Variants in NALF1 observed in about 807,000 individuals in gnomAD.
NALF1 encodes NALCN channel auxiliary factor 1.
A neutral mutation model predicts 48.4 loss-of-function variants in NALF1; 3 were observed. The ratio of observed to expected loss-of-function variants is 0.06; its 90% CI spans 0.03 to 0.16. The LOEUF (loss-of-function observed/expected upper bound fraction) is 0.16, where lower values mean the gene tolerates loss of function less well. Ranked by LOEUF, NALF1 falls within the 10% of genes least tolerant of loss-of-function variation. NALF1 has a pLI of 1.00. For missense variants in NALF1, 526 were observed against 571.5 expected (o/e 0.92, Z 0.81); for synonymous variants, 262 against 245.7 (o/e 1.07, Z -0.62).
Position 107,839,506 on chromosome 13 carries a change from A to T in NALF1, c.915+26176T>A, listed in dbSNP as rs1264760716. 2.0e-5 allele frequency among the ~76,000 whole-genome samples: 3 copies of T among 151,624 alleles called. No homozygotes were observed. The East Asian group carries it at 5.8e-4, about 29-fold the overall frequency. Reference sequence around the variant, plus strand: ...GTTTGCTGTTGCCAGGCATTGTACAAGCACATTCCATACATTAATGCAATC... The same window carrying T: ...GTTTGCTGTTGCCAGGCATTGTACATGCACATTCCATACATTAATGCAATC... On this transcript the variant is annotated intron_variant, in intron 1 of 2. Coordinates refer to ENST00000375915, the MANE Select transcript of NALF1 (RefSeq NM_001080396.3).
At chr13:107,468,003 G>C (rs1371957880) in intron 1 of NALF1, among the ~76,000 whole-genome samples, 3 of 149,238 alleles carry the variant, frequency 2.0e-5, no homozygotes, top group East Asian at 2.0e-4. Flanking sequence ...AACTGAGATC[G>C]CGCCACTGCC....
At chr13:107,419,308 A>G (rs1884144869) in intron 1 of NALF1, among the ~76,000 whole-genome samples, 1 of 152,258 alleles carries the variant, frequency 6.6e-6, no homozygotes, top group Admixed American at 6.5e-5. Flanking sequence ...ATTTGTTAAT[A>G]AAGATAATAT....
rs562979115 is a variant in NALF1 at position 107,585,674 on chromosome 13, G to A, written c.915+280008C>T. On this transcript the variant is annotated intron_variant, in intron 1 of 2. Transcript: ENST00000375915. ...TCATCACCTACTTCCTGCTTGCTGG[G>A]GCCTCATAACCCAGCTGACAGCCTC... 3.7e-4 allele frequency among the ~76,000 whole-genome samples: 56 copies of A among 152,124 alleles called. 1 individual carries two copies. The highest frequency in any genetic ancestry group is 1.3e-3 in the African/African-American group (53 of 41,500).
At chr13:107,559,025 C>T (rs138795653) in intron 1 of NALF1, among the ~76,000 whole-genome samples, 324 of 152,284 alleles carry the variant, frequency 2.1e-3, no homozygotes, top group African/African-American at 7.3e-3. Context: ...GGGACCAGAT[C>T]GTGGGACTTC....
At chr13:107,758,475 A>G (rs1319245745) in intron 1 of NALF1, among the ~76,000 whole-genome samples, 4 of 152,202 alleles carry the variant, frequency 2.6e-5, no homozygotes, top group African/African-American at 7.2e-5. Flanking sequence ...TAATCCCAAC[A>G]CTTTGGGAGG....
chr13:107,545,203 T>C (rs1276435932), intron 1 of NALF1, among the ~76,000 whole-genome samples: 3 of 152,102 alleles, frequency 2.0e-5, no homozygotes, highest in African/African-American at 4.8e-5. Flanking sequence ...GACAGATACA[T>C]GCAGAGGGAG....
At chr13:107,345,922 A>G (rs967369713) in intron 1 of NALF1, among the ~76,000 whole-genome samples, 3 of 152,164 alleles carry the variant, frequency 2.0e-5, no homozygotes, top group African/African-American at 7.2e-5. Context: ...AACAACGAAA[A>G]TCAACCCAAG....
At chr13:107,691,304 C>CCCAGTCT (rs1427635311) in intron 1 of NALF1, among the ~76,000 whole-genome samples, 2 of 152,194 alleles carry the variant, frequency 1.3e-5, no homozygotes, top group Non-Finnish European at 2.9e-5. Flanking sequence ...CTTTGGACTT[C>CCCAGTCT]CCAGTCTCCA....
chr13:107,791,100 T>C (rs934577296), intron 1 of NALF1, among the ~76,000 whole-genome samples: 1 of 152,154 alleles, frequency 6.6e-6, no homozygotes, highest in Non-Finnish European at 1.5e-5. Flanking sequence ...TCCTATTTAT[T>C]TTGCTTATTT....
intron 1 of NALF1, among the ~76,000 whole-genome samples, chr13:107,600,586 A>G (rs1028888848): frequency 6.6e-6 from 1 of 152,202 alleles, no homozygotes; most frequent in African/African-American, 2.4e-5. Context: ...GCTAAGTCAC[A>G]TGTTTATTGT....
In NALF1 at chr13:107,163,964, A is replaced by G. The variant is rs1322535884; in HGVS notation, c.*6533T>C. 6.6e-6 allele frequency: 1 copy of G among 152,222 alleles called. No individual in the cohort carries two copies. The highest frequency in any genetic ancestry group is 1.5e-5 in the Non-Finnish European group (1 of 68,030). The allele number at this position is 152,222 out of a possible 1,614,324, so 9.4% of individuals were successfully genotyped here. A position where few individuals can be genotyped will look rare whatever the true frequency, so the allele number is the denominator to read the frequency against. ...AGAGCTTTAACTTTTGCTGTAGTTTATATTTCCTATTGTTTTATCCATTTT... is the reference window on the plus strand; with the variant it reads ...AGAGCTTTAACTTTTGCTGTAGTTTGTATTTCCTATTGTTTTATCCATTTT... On this transcript the variant is annotated 3_prime_UTR_variant, in exon 3 of 3. Coordinates refer to ENST00000375915, the MANE Select transcript of NALF1 (RefSeq NM_001080396.3).
At chr13:107,456,311 A>G (rs191781662) in intron 1 of NALF1, among the ~76,000 whole-genome samples, 1 of 152,366 alleles carries the variant, frequency 6.6e-6, no homozygotes, top group Non-Finnish European at 1.5e-5. Context: ...AAACTTTCAG[A>G]GCACAATGCT....
intron 1 of NALF1, among the ~76,000 whole-genome samples, chr13:107,298,017 C>A (rs145200333): frequency 6.6e-6 from 1 of 152,194 alleles, no homozygotes; most frequent in East Asian, 1.9e-4. Context: ...ATACTGTATT[C>A]AAAACCATTT....
chr13:107,620,303 C>G (rs901808784), intron 1 of NALF1, among the ~76,000 whole-genome samples: 1 of 152,196 alleles, frequency 6.6e-6, no homozygotes, highest in Non-Finnish European at 1.5e-5. Flanking sequence ...CCATCAACAT[C>G]TGAGCCACAA....
rs560127317 is a variant in NALF1 at position 107,672,918 on chromosome 13, C to T, written c.915+192764G>A. On this transcript the variant is annotated intron_variant, in intron 1 of 2. Transcript: ENST00000375915. ...CGCCTTTTTCTCCCCGCGCCCCCAC[C>T]GCCCAATACTTCCCTTTTCTTTCAT... 4.6e-4 allele frequency among the ~76,000 whole-genome samples: 70 copies of T among 152,240 alleles called. 1 individual carries two copies. Among genetic ancestry groups the T allele is most frequent in the South Asian group, 1.5e-3 (7 of 4,824 alleles).
At chr13:107,437,381 T>A (rs1884480440) in intron 1 of NALF1, among the ~76,000 whole-genome samples, 2 of 152,180 alleles carry the variant, frequency 1.3e-5, no homozygotes, top group African/African-American at 4.8e-5. Flanking sequence ...AGTTTTTCCA[T>A]ACTTAAGTAT....
At position 107,861,834 on chromosome 13, in the gene NALF1, AT is replaced by A. The variant is rs566694154; in HGVS notation, c.915+3847del. Among the ~76,000 whole-genome samples, 41 of 142,974 alleles carry A rather than the reference AT, an allele frequency of 2.9e-4. 1 individual carries two copies. Among genetic ancestry groups the A allele is most frequent in the African/African-American group, 7.7e-4 (29 of 37,672 alleles). The allele number at this position is 142,974 out of a possible 152,430, so 93.8% of individuals were successfully genotyped here. ...AAATACATAAGAATTTAAGAAATGC[AT>A]TTTTTTTTCTTTTCAAATTGTACAT... On this transcript the variant is annotated intron_variant, in intron 1 of 2. Transcript: ENST00000375915.
intron 1 of NALF1, among the ~76,000 whole-genome samples, chr13:107,312,832 A>C (rs77858777): frequency 6.6e-6 from 1 of 152,198 alleles, no homozygotes; most frequent in African/African-American, 2.4e-5. Context: ...AAAAATGTGA[A>C]AATTCTCATC....
At position 107,417,815 on chromosome 13, in the gene NALF1, C is replaced by T. The variant is rs192019764; in HGVS notation, c.916-207060G>A. Among the ~76,000 whole-genome samples the T allele has an allele frequency of 6.6e-5, 10 of 152,280 alleles. No homozygotes were observed. In the East Asian group the frequency reaches 1.2e-3, roughly 18 times the overall value. On this transcript the variant is annotated intron_variant, in intron 1 of 2. Transcript: ENST00000375915. ...GTTGCTTACATCTGTAATCCCAGCACTTTGGGAGGCTGAGGCCAGCAGATC... is the reference window on the plus strand; with the variant it reads ...GTTGCTTACATCTGTAATCCCAGCATTTTGGGAGGCTGAGGCCAGCAGATC...
Sources: allele counts gnomAD v4.1 joint callset (sites outside exome capture counted in the v4.1 genomes callset), GRCh38; gene constraint gnomAD v4.1.1; transcripts MANE v1.5; gene names NCBI Gene and HGNC (gene_info 2026-07-23, HGNC 2026-07-21).